The following MAGI2 variants were observed in gnomAD, a reference collection of about 807,000 sequenced individuals.
The protein encoded by MAGI2 is membrane associated guanylate kinase, WW and PDZ domain containing 2.
MAGI2 carries 35 observed loss-of-function variants against 133.3 expected under a neutral mutation model. That is an observed-to-expected ratio of 0.26 (90% CI 0.20 to 0.35). The LOEUF is 0.35. Ranked by LOEUF, MAGI2 falls within the 10% of genes least tolerant of loss-of-function variation. The pLI is 1.00. For synonymous variants in MAGI2, 729 were observed against 710.6 expected, an observed-to-expected ratio of 1.03 and a Z score of -0.41; for missense variants, 1,636 against 1,863.4, an observed-to-expected ratio of 0.88 and a Z score of 2.25.
intron 1 of MAGI2, among the ~76,000 whole-genome samples, chr7:79,348,428 T>C (rs1841470151): frequency 6.6e-6 from 1 of 151,906 alleles, no homozygotes; most frequent in Non-Finnish European, 1.5e-5. Context: ...TTTTTGATGC[T>C]AGTACATAAC....
chr7:78,419,394 C>T (rs944279196), intron 6 of MAGI2, among the ~76,000 whole-genome samples: 5 of 75,456 alleles, frequency 6.6e-5, no homozygotes, highest in East Asian at 5.6e-4. Flanking sequence ...TAATATGCAC[C>T]GAGCTTGTGT....
chr7:79,001,749 TTC>T (rs2116462459), intron 2 of MAGI2, among the ~76,000 whole-genome samples: 1 of 152,322 alleles, frequency 6.6e-6, no homozygotes, highest in Non-Finnish European at 1.5e-5. Context: ...TTCTATTAAT[TTC>T]TTTCATATAT....
intron 2 of MAGI2, among the ~76,000 whole-genome samples, chr7:78,644,140 A>T (rs1810594236): frequency 6.6e-6 from 1 of 152,112 alleles, no homozygotes; most frequent in African/African-American, 2.4e-5. Context: ...AAAATACTAA[A>T]TGTTTATGTA....
chr7:78,800,134 C>T (rs1381890310), intron 2 of MAGI2, among the ~76,000 whole-genome samples: 3 of 152,096 alleles, frequency 2.0e-5, no homozygotes, highest in South Asian at 2.1e-4. Flanking sequence ...GGACCAGAAG[C>T]TTTAATATCC....
At chr7:79,017,221 C>T (rs2116649078) in intron 1 of MAGI2, among the ~76,000 whole-genome samples, 1 of 152,328 alleles carries the variant, frequency 6.6e-6, no homozygotes, top group East Asian at 1.9e-4. Context: ...ACAATTCAGG[C>T]CCCTCCAGTG....
intron 1 of MAGI2, among the ~76,000 whole-genome samples, chr7:79,382,756 T>C (rs1843887516): frequency 6.6e-6 from 1 of 151,618 alleles, no homozygotes; most frequent in Admixed American, 6.6e-5. Context: ...GGTTTTTTCA[T>C]TTTAGGACAA....
Position 78,303,378 on chromosome 7 carries a change from C to CAAAAAAAAAAAAAAAAAAAAAAAAAAAA in MAGI2, c.1408+40399_1408+40400insTTTTTTTTTTTTTTTTTTTTTTTTTTTT. The stretch of plus-strand genomic sequence containing the variant: ...TGGGCAACAAGAGCAAAACTGTCTC[C>CAAAAAAAAAAAAAAAAAAAAAAAAAAAA]AAAAAAAAAAAAAAAAAAAAAAAAA... On this transcript the variant is annotated intron_variant, in intron 9 of 21. Transcript: ENST00000354212. Among the ~76,000 whole-genome samples the CAAAAAAAAAAAAAAAAAAAAAAAAAAAA allele has an allele frequency of 6.0e-5, 2 of 33,348 alleles. 1 individual carries two copies. Among genetic ancestry groups the CAAAAAAAAAAAAAAAAAAAAAAAAAAAA allele is most frequent in the Non-Finnish European group, 1.0e-4 (2 of 19,430 alleles). The allele number at this position is 33,348 out of a possible 152,430, so 21.9% of individuals were successfully genotyped here. A position where few individuals can be genotyped will look rare whatever the true frequency, so the allele number is the denominator to read the frequency against.
At chr7:79,326,767 A>G (rs1440213118) in intron 1 of MAGI2, among the ~76,000 whole-genome samples, 1 of 152,072 alleles carries the variant, frequency 6.6e-6, no homozygotes, top group Non-Finnish European at 1.5e-5. Context: ...CACAACCAAT[A>G]ATGAAATGGA....
intron 3 of MAGI2, chr7:78,618,532 G>C (rs1038668320): frequency 1.3e-5 from 2 of 151,788 alleles, no homozygotes; most frequent in Non-Finnish European, 2.9e-5. Flanking sequence ...TAAAATTTTT[G>C]AAGTCATGAT....
chr7:78,112,911 A>T (rs2150472826), intron 20 of MAGI2, among the ~76,000 whole-genome samples: 1 of 152,358 alleles, frequency 6.6e-6, no homozygotes, highest in South Asian at 2.1e-4. Context: ...GATGAGACCC[A>T]ACTGGAAAGC....
intron 4 of MAGI2, among the ~76,000 whole-genome samples, chr7:78,506,839 C>T (rs1795134244): frequency 1.3e-5 from 2 of 152,192 alleles, no homozygotes; most frequent in Non-Finnish European, 2.9e-5. Flanking sequence ...AGAAGTCATT[C>T]AAGAAGCTTG....
chr7:78,958,789 G>A (rs533567015), intron 2 of MAGI2, among the ~76,000 whole-genome samples: 3 of 152,062 alleles, frequency 2.0e-5, no homozygotes, highest in African/African-American at 4.8e-5. Flanking sequence ...GTAATCCACC[G>A]CAAAGCATGT....
At chr7:78,021,130 T>C (rs1330225084) in intron 21 of MAGI2, among the ~76,000 whole-genome samples, 1 of 152,218 alleles carries the variant, frequency 6.6e-6, no homozygotes, top group Non-Finnish European at 1.5e-5. Flanking sequence ...TAGCTGCTAC[T>C]GTGAGCAACA....
At chr7:78,209,795 G>A (rs1020074324) in intron 10 of MAGI2, among the ~76,000 whole-genome samples, 1 of 152,118 alleles carries the variant, frequency 6.6e-6, no homozygotes, top group Non-Finnish European at 1.5e-5. Flanking sequence ...GAGACGAAAC[G>A]CAAAACCTAC....
chr7:78,392,347 GT>G (rs1054006085), intron 6 of MAGI2, among the ~76,000 whole-genome samples: 2 of 152,166 alleles, frequency 1.3e-5, no homozygotes, highest in African/African-American at 2.4e-5. Flanking sequence ...AAATTGATGA[GT>G]TCAGGTAAAA....
intron 6 of MAGI2, among the ~76,000 whole-genome samples, chr7:78,412,834 A>T (rs1403448547): frequency 1.3e-5 from 2 of 152,104 alleles, no homozygotes; most frequent in African/African-American, 4.8e-5. Flanking sequence ...GAGAAATATC[A>T]CAAATGTGAA....
intron 2 of MAGI2, among the ~76,000 whole-genome samples, chr7:78,643,089 T>A (rs1279225580): frequency 1.3e-5 from 2 of 152,212 alleles, no homozygotes; most frequent in Non-Finnish European, 2.9e-5. Flanking sequence ...TCATTACACA[T>A]TGTATACATG....
chr7:78,401,095 C>T (rs1478320270), intron 6 of MAGI2, among the ~76,000 whole-genome samples: 1 of 151,704 alleles, frequency 6.6e-6, no homozygotes, highest in Non-Finnish European at 1.5e-5. Flanking sequence ...TTCTAACTCT[C>T]AAGAGCCTTA....
chr7:78,652,363 C>A (rs1811673058), intron 2 of MAGI2, among the ~76,000 whole-genome samples: 1 of 152,092 alleles, frequency 6.6e-6, no homozygotes, highest in Non-Finnish European at 1.5e-5. Context: ...GGGTCGCTAC[C>A]TGACTTCAAA....
Sources: allele counts gnomAD v4.1 joint callset (sites outside exome capture counted in the v4.1 genomes callset), GRCh38; gene constraint gnomAD v4.1.1; transcripts MANE v1.5; gene names NCBI Gene and HGNC (gene_info 2026-07-23, HGNC 2026-07-21).